The following DPYD variants were observed in gnomAD, a reference collection of about 807,000 sequenced individuals.
DPYD encodes dihydropyrimidine dehydrogenase.
In DPYD, 109 loss-of-function variants were observed where a neutral mutation model predicts 116.2. That is an observed-to-expected ratio of 0.94 (90% confidence interval 0.80 to 1.10). The LOEUF is 1.10. DPYD is among the 50% of genes least tolerant of loss of function. The probability of loss-of-function intolerance (pLI) is 0.00; values close to 1 mark genes in which losing one functional copy is unlikely to be tolerated. For missense variants in DPYD, 1,302 were observed against 1,254.5 expected (o/e 1.04, Z -0.57); for synonymous variants, 440 against 432.0 (o/e 1.02, Z -0.23).
chr1:97,246,810 T>A (rs1019257626), intron 18 of DPYD, among the ~76,000 whole-genome samples: 1 of 151,994 alleles, frequency 6.6e-6, no homozygotes, highest in Non-Finnish European at 1.5e-5. Context: ...AAACAAAATA[T>A]CAAGTAAGGG....
intron 19 of DPYD, among the ~76,000 whole-genome samples, chr1:97,227,331 CAAAAAAAA>C (rs60992225): frequency 3.8e-4 from 10 of 26,374 alleles, no homozygotes; most frequent in Admixed American, 1.6e-3. Context: ...GACTCTATCT[CAAAAAAAA>C]AAAAAAAAAA....
chr1:97,294,475 T>C (rs1454921266), intron 18 of DPYD, among the ~76,000 whole-genome samples: 2 of 152,224 alleles, frequency 1.3e-5, no homozygotes, highest in Non-Finnish European at 2.9e-5. Context: ...GTAGCATATC[T>C]GAATTACTTA....
chr1:97,564,812 G>GA (rs1379646097), intron 11 of DPYD, among the ~76,000 whole-genome samples: 1 of 152,020 alleles, frequency 6.6e-6, no homozygotes, highest in Non-Finnish European at 1.5e-5. Context: ...GGTAACTACT[G>GA]AAAAAATTAT....
At chr1:97,497,362 T>G (rs900122234) in intron 13 of DPYD, among the ~76,000 whole-genome samples, 2 of 151,956 alleles carry the variant, frequency 1.3e-5, no homozygotes, top group Admixed American at 1.3e-4. Context: ...AGCTATTCTT[T>G]GGAAGTTGCC....
intron 20 of DPYD, among the ~76,000 whole-genome samples, chr1:97,183,631 C>T (rs557009361): frequency 5.3e-5 from 8 of 152,158 alleles, no homozygotes; most frequent in African/African-American, 1.9e-4. Context: ...CATAGCTTGC[C>T]AACTTCTAAA....
chr1:97,331,841 CT>C lies in DPYD; in HGVS notation c.2059-25545del, dbSNP rs773976862. Among the ~76,000 whole-genome samples the C allele has an allele frequency of 1.5e-3, 234 of 152,188 alleles. 1 individual carries two copies. In the Middle Eastern group the frequency reaches 0.058, roughly 38 times the overall value. ...GCTTGTGATTTTATTAAGAAAATAA[CT>C]TTAAAATTCCACTTGGAAGCTATAT... On this transcript the variant is annotated intron_variant, in intron 16 of 22. Coordinates refer to ENST00000370192, the MANE Select transcript of DPYD (RefSeq NM_000110.4).
At chr1:97,824,455 A>G (rs1385427813) in intron 3 of DPYD, among the ~76,000 whole-genome samples, 2 of 152,206 alleles carry the variant, frequency 1.3e-5, no homozygotes, top group Admixed American at 6.6e-5. Flanking sequence ...CTAACCACAT[A>G]TAAGTATTTA....
intron 8 of DPYD, among the ~76,000 whole-genome samples, chr1:97,664,017 T>C (rs1359479582): frequency 6.6e-6 from 1 of 152,134 alleles, no homozygotes; most frequent in Non-Finnish European, 1.5e-5. Flanking sequence ...TTAGAAAATA[T>C]TTACATGTCT....
chr1:97,820,667 C>T (rs907048322), intron 3 of DPYD, among the ~76,000 whole-genome samples: 2 of 152,092 alleles, frequency 1.3e-5, no homozygotes, highest in Admixed American at 6.6e-5. Context: ...ATTCTTAACA[C>T]GTGATAAAGC....
intron 14 of DPYD, among the ~76,000 whole-genome samples, chr1:97,401,676 G>A (rs1673386601): frequency 6.6e-6 from 1 of 152,002 alleles, no homozygotes; most frequent in Non-Finnish European, 1.5e-5. Flanking sequence ...ATTGCCTTTG[G>A]AGTTGTATTT....
chr1:97,234,688 C>T (rs1304008508), intron 19 of DPYD, among the ~76,000 whole-genome samples, 164 bp downstream of exon 19: 1 of 152,154 alleles, frequency 6.6e-6, no homozygotes, highest in Non-Finnish European at 1.5e-5. Flanking sequence ...CCTCAGGTCT[C>T]TTCATAACTT....
At chr1:97,719,520 C>T (rs957031427) in intron 5 of DPYD, among the ~76,000 whole-genome samples, 1 of 151,886 alleles carries the variant, frequency 6.6e-6, no homozygotes, top group African/African-American at 2.4e-5. Context: ...TCATATTACA[C>T]TTCAACTTAA....
chr1:97,724,993 T>C (rs1331694091), intron 4 of DPYD, among the ~76,000 whole-genome samples: 1 of 104,786 alleles, frequency 9.5e-6, no homozygotes, highest in African/African-American at 3.6e-5. Context: ...GAGAAAGTTA[T>C]CCAGATTGGA....
intron 15 of DPYD, among the ~76,000 whole-genome samples, chr1:97,375,582 T>C (rs1483544376): frequency 6.6e-6 from 1 of 152,186 alleles, no homozygotes; most frequent in African/African-American, 2.4e-5. Flanking sequence ...CCTTGATGGT[T>C]TGGTAGTGAG....
chr1:97,328,831 G>A (rs758074384), intron 16 of DPYD, among the ~76,000 whole-genome samples: 66 of 152,072 alleles, frequency 4.3e-4, no homozygotes, highest in Non-Finnish European at 8.4e-4. Flanking sequence ...ACAAATAAAT[G>A]TACTTAAAGT....
intron 18 of DPYD, among the ~76,000 whole-genome samples, chr1:97,242,229 T>C (rs1009734448): frequency 2.1e-5 from 3 of 145,350 alleles, no homozygotes; most frequent in South Asian, 2.2e-4. Flanking sequence ...AAGTTACATA[T>C]ACAACAATGT....
chr1:97,578,370 G>A (rs1653416868), intron 10 of DPYD, among the ~76,000 whole-genome samples: 1 of 152,028 alleles, frequency 6.6e-6, no homozygotes, highest in African/African-American at 2.4e-5. Context: ...TCTCCGTGCT[G>A]TGGTGCAAAA....
chr1:97,898,055 G>A (rs574176632), intron 1 of DPYD, among the ~76,000 whole-genome samples: 2 of 151,744 alleles, frequency 1.3e-5, no homozygotes, highest in Admixed American at 6.6e-5. Flanking sequence ...AGGGAATCAA[G>A]CAGCATTTGC....
chr1:97,310,443 T>C (rs1041385522), intron 16 of DPYD, among the ~76,000 whole-genome samples: 1 of 151,858 alleles, frequency 6.6e-6, no homozygotes, highest in Non-Finnish European at 1.5e-5. Context: ...TCTACTTCAC[T>C]TATTCCTGTA....
Sources: gnomAD v4.1 joint callset for allele counts (sites outside exome capture counted in the v4.1 genomes callset) on GRCh38, gnomAD v4.1.1 for gene constraint, MANE v1.5 for transcripts, NCBI Gene and HGNC (gene_info 2026-07-23, HGNC 2026-07-21) for gene names.